ANKAR: variants seen among roughly 807,000 people sequenced by gnomAD.
The protein encoded by ANKAR is ankyrin and armadillo repeat containing.
ANKAR carries 136 observed loss-of-function variants against 146.2 expected under a neutral mutation model. That is an observed-to-expected ratio of 0.93 (90% CI 0.81 to 1.07). The LOEUF (loss-of-function observed/expected upper bound fraction) is 1.07. Among genes scored for constraint, ANKAR ranks in the 50% least tolerant of loss-of-function variants. The pLI is 0.00. For synonymous variants in ANKAR, 500 were observed against 575.8 expected (o/e 0.87, Z 1.88); for missense variants, 1,567 against 1,679.9 (o/e 0.93, Z 1.18).
chr2:189,710,879 CA>C (rs1362059173), intron 9 of ANKAR, among the ~76,000 whole-genome samples, 169 bp from the exon 10 acceptor site: 4 of 152,268 alleles, frequency 2.6e-5, no homozygotes, highest in African/African-American at 9.6e-5. Context: ...TGGAATTTGT[CA>C]GTACTTCATA....
intron 17 of ANKAR, among the ~76,000 whole-genome samples, chr2:189,737,012 T>C (rs2042918080): frequency 6.6e-6 from 1 of 150,750 alleles, no homozygotes; most frequent in African/African-American, 2.4e-5. Flanking sequence ...AGGTGGAAAT[T>C]GCAGTGAGCC....
chr2:189,696,063 T>C, intron 6 of ANKAR, 87 bp from the exon 7 acceptor site: 2 of 1,155,358 alleles, frequency 1.7e-6, no homozygotes, highest in Non-Finnish European at 2.5e-6. Context: ...ATTCATGTGA[T>C]TCTGTTAATA....
chr2:189,755,016 C>T, intron 18 of ANKAR: 2 of 788,982 alleles, frequency 2.5e-6, no homozygotes, highest in Non-Finnish European at 3.9e-6. Flanking sequence ...AAATTGTGTA[C>T]TACTCTTTCT....
chr2:189,690,075 T>C lies in ANKAR; in HGVS notation c.1039+111T>C, dbSNP rs546237354. The C allele has an allele frequency of 3.2e-4, 214 of 669,302 alleles. 3 individuals carry two copies. The South Asian group carries it at 7.6e-3, about 24-fold the overall frequency. 41.5% of individuals were successfully genotyped at this position (669,302 alleles called of 1,614,324 possible). A position where few individuals can be genotyped will look rare whatever the true frequency, so the allele number is the denominator to read the frequency against. Reference sequence around the variant, plus strand: ...TGCAGGCAGTAACCTAGCTATAACCTGTTAGAGAAAACAAACAATTTAATG... The same window carrying C: ...TGCAGGCAGTAACCTAGCTATAACCCGTTAGAGAAAACAAACAATTTAATG... On this transcript the variant is annotated intron_variant, in intron 3 of 22. Coordinates refer to ENST00000684021, the MANE Select transcript of ANKAR (RefSeq NM_001378068.1).
chr2:189,706,837 TG>T, intron 8 of ANKAR, 100 bp from the exon 9 acceptor site: 2 of 748,660 alleles, frequency 2.7e-6, no homozygotes, highest in Non-Finnish European at 4.3e-6. Context: ...TAGAAGGTGG[TG>T]GTGTAAGTCA....
intron 2 of ANKAR, among the ~76,000 whole-genome samples, chr2:189,678,049 C>A (rs1559048615): frequency 6.6e-6 from 1 of 152,204 alleles, no homozygotes; most frequent in Non-Finnish European, 1.5e-5. Context: ...GTTTACATTA[C>A]AATCCCACCA....
intron 4 of ANKAR, 87 bp downstream of exon 4, chr2:189,692,505 G>A: frequency 1.8e-6 from 2 of 1,119,246 alleles, no homozygotes; most frequent in South Asian, 1.7e-5. Flanking sequence ...GTTGGTACAG[G>A]CACTCGACAG....
intron 18 of ANKAR, chr2:189,753,965 A>G (rs775998565): frequency 6.2e-7 from 1 of 1,613,820 alleles, no homozygotes. Context: ...ACAAAACAGA[A>G]TAGCCCGATG....
intron 2 of ANKAR, among the ~76,000 whole-genome samples, chr2:189,684,829 CAAAAA>C (rs71023709): frequency 4.6e-5 from 5 of 108,046 alleles, no homozygotes; most frequent in Non-Finnish European, 3.9e-5. Context: ...GACCCTGTCT[CAAAAA>C]AAAAAAAAAA....
chr2:189,733,303 T>C (rs2042575793), intron 17 of ANKAR, 74 bp downstream of exon 17: 2 of 1,271,128 alleles, frequency 1.6e-6, no homozygotes, highest in Non-Finnish European at 2.1e-6. Flanking sequence ...AATTATCAAG[T>C]CTTCTTCATG....
intron 12 of ANKAR, among the ~76,000 whole-genome samples, chr2:189,721,941 A>T (rs1254916210): frequency 6.6e-6 from 1 of 152,186 alleles, no homozygotes; most frequent in Non-Finnish European, 1.5e-5. Flanking sequence ...AAGAACCTCT[A>T]TCGTGTGGTG....
At chr2:189,760,081 T>C (rs549608487) in intron 18 of ANKAR, among the ~76,000 whole-genome samples, 42 of 152,322 alleles carry the variant, frequency 2.8e-4, no homozygotes, top group Middle Eastern at 6.8e-3. Flanking sequence ...GGGGGTAAGG[T>C]TATAGATCAA....
At chr2:189,688,866 C>T (rs537782376) in intron 2 of ANKAR, among the ~76,000 whole-genome samples, 2 of 152,236 alleles carry the variant, frequency 1.3e-5, no homozygotes, top group South Asian at 4.2e-4. Context: ...TGTAAACAGG[C>T]CAGAACCACA....
downstream of ANKAR, chr2:189,761,678 AAAC>A: frequency 6.7e-7 from 1 of 1,488,960 alleles, no homozygotes; most frequent in South Asian, 1.4e-5. Context: ...AGAATTACAG[AAAC>A]AACTTATTAT....
At chr2:189,713,927 G>A (rs1407589656) in intron 10 of ANKAR, among the ~76,000 whole-genome samples, 3 of 152,110 alleles carry the variant, frequency 2.0e-5, no homozygotes, top group Admixed American at 1.3e-4. Flanking sequence ...GATCTACCAA[G>A]CAAATGGAAA....
rs150970224 is a variant in ANKAR at position 189,693,605 on chromosome 2, G to A, written c.1307+428G>A. On this transcript the variant is annotated intron_variant, in intron 5 of 22. Transcript: ENST00000684021. ...ATAAGGAAGTTTTGCTTGTTGGTTC[G>A]TTTGTTTGCTTTTAAGGCATGCAAG... is the stretch of plus-strand genomic sequence containing the variant. 4.0e-3 allele frequency among the ~76,000 whole-genome samples: 611 copies of A among 152,238 alleles called. 6 individuals are homozygous for A. The highest frequency in any genetic ancestry group is 0.014 in the African/African-American group (572 of 41,546).
chr2:189,750,452 A>AAT (rs2044992534), downstream of ANKAR: 1 of 507,726 alleles, frequency 2.0e-6, no homozygotes. Flanking sequence ...CATCAAATAG[A>AAT]AAAAAAAAAA....
At chr2:189,711,866 C>G (rs2039736905) in intron 10 of ANKAR, among the ~76,000 whole-genome samples, 1 of 152,108 alleles carries the variant, frequency 6.6e-6, no homozygotes, top group African/African-American at 2.4e-5. Context: ...CAGACTGTAC[C>G]TGAAAAAACG....
intron 1 of ANKAR, among the ~76,000 whole-genome samples, chr2:189,675,394 G>C (rs1297690033): frequency 1.4e-5 from 2 of 146,686 alleles, no homozygotes; most frequent in Non-Finnish European, 3.0e-5. Context: ...TTCTTTTTTT[G>C]AAACAGTGTT....
Sources: allele counts gnomAD v4.1 joint callset (sites outside exome capture counted in the v4.1 genomes callset), GRCh38; gene constraint gnomAD v4.1.1; transcripts MANE v1.5; gene names NCBI Gene and HGNC (gene_info 2026-07-23, HGNC 2026-07-21).